XPNPEP2: variants seen among roughly 807,000 people sequenced by gnomAD.
The protein encoded by XPNPEP2 is X-prolyl aminopeptidase 2.
XPNPEP2 carries 64 observed loss-of-function variants against 59.8 expected under a neutral mutation model. That is an observed-to-expected ratio of 1.07 (90% CI 0.87 to 1.32). The LOEUF (loss-of-function observed/expected upper bound fraction) is 1.32, where lower values mean the gene tolerates loss of function less well. Ranked by LOEUF, XPNPEP2 falls within the 40% of genes most tolerant of loss-of-function variation. The probability of loss-of-function intolerance (pLI) is 0.00; values close to 1 mark genes in which losing one functional copy is unlikely to be tolerated. For missense variants in XPNPEP2, 575 were observed against 546.8 expected, an observed-to-expected ratio of 1.05 and a Z score of -0.51; for synonymous variants, 235 against 210.0, an observed-to-expected ratio of 1.12 and a Z score of -1.03.
At chrX:129,760,758 C>T (rs999314099) in intron 16 of XPNPEP2, among the ~76,000 whole-genome samples, 177 bp downstream of exon 16, 3 of 111,838 alleles carry the variant, frequency 2.7e-5, no homozygotes, top group South Asian at 7.4e-4. Flanking sequence ...AGAAGGTTAG[C>T]GGGAGATCCA....
In XPNPEP2 at chrX:129,754,219, C is replaced by G. The variant is rs758510123; in HGVS notation, c.1108-253C>G. ...ATGTTCATTACCACCACAACCACCC[C>G]CTCTGCTGCTGGATTCTTTTAAAAG... On this transcript the variant is annotated intron_variant, in intron 11 of 20. Transcript: ENST00000371106. Among the ~76,000 whole-genome samples, 3 of 112,202 alleles carry G rather than the reference C, an allele frequency of 2.7e-5. No individual in the cohort carries two copies. The Admixed American group carries it at 2.8e-4, about 11-fold the overall frequency.
intron 19 of XPNPEP2, among the ~76,000 whole-genome samples, chrX:129,766,865 C>T (rs141788006): frequency 0.026 from 2,871 of 111,218 alleles, 99 homozygotes; most frequent in African/African-American, 0.09. Context: ...GCAAGGATCT[C>T]GACATGGTGG....
At chrX:129,750,356 C>T (rs1737130) in intron 7 of XPNPEP2, 112 bp from the exon 8 acceptor site, 42,388 of 544,314 alleles carry the variant, frequency 0.078, 3,651 homozygotes, top group African/African-American at 0.43. Flanking sequence ...GAAAGGGTTT[C>T]GCTGCTTTTT....
At position 129,746,511 on chromosome X, in the gene XPNPEP2, G is replaced by A. The variant is rs759166611; in HGVS notation, c.404-84G>A. On this transcript the variant is annotated intron_variant, in intron 5 of 20. Transcript: ENST00000371106. The stretch of plus-strand genomic sequence containing the variant: ...GATCTCAAGGAAGACACACATGGTA[G>A]GACCATCAGACAGAACCCCTGGCTG... The A allele has an allele frequency of 5.0e-4, 502 of 1,005,977 alleles. 4 individuals are homozygous for A. The South Asian group carries it at 9.1e-3, about 18-fold the overall frequency. The allele number at this position is 1,005,977 out of a possible 1,213,427, so 82.9% of individuals were successfully genotyped here. A position where few individuals can be genotyped will look rare whatever the true frequency, so the allele number is the denominator to read the frequency against.
chrX:129,751,265 T>C (rs1165419588), intron 8 of XPNPEP2, among the ~76,000 whole-genome samples: 2 of 109,519 alleles, frequency 1.8e-5, no homozygotes, highest in Non-Finnish European at 3.8e-5. Flanking sequence ...CCCAGCACTT[T>C]GGGAGGCCAA....
chrX:129,757,893 G>GAAAGAA (rs1245300991), intron 14 of XPNPEP2, among the ~76,000 whole-genome samples: 55 of 51,769 alleles, frequency 1.1e-3, no homozygotes, highest in South Asian at 2.3e-3. Context: ...GAGAGAGAGA[G>GAAAGAA]AGAAAGAAAG....
At chrX:129,759,149 C>T (rs758644466) in intron 14 of XPNPEP2, 31 bp from the exon 15 acceptor site, 29 of 1,208,539 alleles carry the variant, frequency 2.4e-5, no homozygotes, top group Admixed American at 1.5e-4. Context: ...TAGCCCCAGG[C>T]ATTTGGCATG....
Position 129,747,494 on chromosome X carries a change from C to A in XPNPEP2, c.491-113C>A, listed in dbSNP as rs187018729. The A allele has an allele frequency of 7.6e-5, 82 of 1,075,283 alleles. 1 individual carries two copies. The African/African-American group carries it at 1.3e-3, about 17-fold the overall frequency. 88.6% of individuals were successfully genotyped at this position (1,075,283 alleles called of 1,213,427 possible). ...GCAGGCTGCTGGGGCAGGCTCCGGG[C>A]AGCTGGGCTGCAAAGGGAGGCAAAG... On this transcript the variant is annotated intron_variant, in intron 6 of 20. Transcript: ENST00000371106.
At chrX:129,745,611 T>C (rs998675265) in intron 4 of XPNPEP2, among the ~76,000 whole-genome samples, 2 of 111,979 alleles carry the variant, frequency 1.8e-5, no homozygotes, top group Non-Finnish European at 3.8e-5. Context: ...TCCTTTCACA[T>C]GAGGGCTCAT....
At chrX:129,749,022 C>T (rs749405489) in intron 7 of XPNPEP2, among the ~76,000 whole-genome samples, 11 of 111,991 alleles carry the variant, frequency 9.8e-5, no homozygotes, top group Non-Finnish European at 1.7e-4. Context: ...ATGAAAAGTT[C>T]GCTACTCAAA....
In XPNPEP2 at chrX:129,760,532, G is replaced by A. The variant is rs759051787; in HGVS notation, c.1449G>A (p.Leu483=). 5.0e-6 allele frequency: 6 copies of A among 1,210,776 alleles called. No individual in the cohort carries two copies. In the East Asian group the frequency reaches 1.8e-4, roughly 36 times the overall value. Reference sequence around the variant, plus strand: ...ATCAGGAGGCATACACCCGTGTGCTGATAGGAAATATTGACCTGTCCAGGC... The same window carrying A: ...ATCAGGAGGCATACACCCGTGTGCTAATAGGAAATATTGACCTGTCCAGGC... ...AFQKEAYTRV[L]IGNIDLSRLI... Residue 483 remains leucine (L), a synonymous_variant, in exon 16 of 21, where the codon CTG becomes CTA. Transcript: ENST00000371106.
intron 11 of XPNPEP2, among the ~76,000 whole-genome samples, chrX:129,753,880 A>C (rs928192439): frequency 4.5e-5 from 5 of 111,533 alleles, no homozygotes; most frequent in Non-Finnish European, 9.4e-5. Context: ...TCATAACAGT[A>C]ATCTTACAGC....
intron 6 of XPNPEP2, among the ~76,000 whole-genome samples, 153 bp from the exon 7 acceptor site, chrX:129,747,454 G>A (rs984971379): frequency 2.7e-5 from 3 of 112,052 alleles, no homozygotes; most frequent in Non-Finnish European, 3.8e-5. Flanking sequence ...CATACATGCC[G>A]GGGGTGGGGG....
chrX:129,755,185 G>A, intron 12 of XPNPEP2, 109 bp from the exon 13 acceptor site: 1 of 749,731 alleles, frequency 1.3e-6, no homozygotes, highest in Non-Finnish European at 2.0e-6. Context: ...ATGGTGTCCA[G>A]TTGAGAGGTA....
Position 129,762,066 on chromosome X carries a change from G to A in XPNPEP2, c.1663+1G>A. 1 of 1,211,259 alleles carries A rather than the reference G, an allele frequency of 8.3e-7. No individual in the cohort carries two copies. The highest frequency in any genetic ancestry group is 1.8e-5 in the South Asian group (1 of 56,974). On this transcript the variant is annotated splice_donor_variant, in intron 18 of 20. Transcript: ENST00000371106. LOFTEE classifies it high-confidence loss of function. ...GCCAAGGGCATGTTCACTTCCATTG[G>A]TATGGCCCTCAGGCCCCTCTACCTC...
chrX:129,757,017 T>G (rs1021021666), intron 14 of XPNPEP2, among the ~76,000 whole-genome samples: 8 of 89,261 alleles, frequency 9.0e-5, no homozygotes, highest in African/African-American at 1.9e-4. Context: ...TATATATATA[T>G]ATATATACAC....
At chrX:129,758,048 T>C (rs1252357082) in intron 14 of XPNPEP2, among the ~76,000 whole-genome samples, 3 of 111,338 alleles carry the variant, frequency 2.7e-5, no homozygotes, top group African/African-American at 9.8e-5. Flanking sequence ...CTGAAAGATT[T>C]TCCCTTCTCA....
intron 14 of XPNPEP2, among the ~76,000 whole-genome samples, chrX:129,757,796 GAAGAAAGAAAGAAAGA>G (rs57433903): frequency 0.015 from 490 of 33,458 alleles, 7 homozygotes; most frequent in African/African-American, 0.017. Context: ...ACTATAAAAG[GAAGAAAGAAAGAAAGA>G]AAGAAAGAAA....
chrX:129,760,642 A>G, intron 16 of XPNPEP2, 61 bp downstream of exon 16: 1 of 1,121,847 alleles, frequency 8.9e-7, no homozygotes, highest in Non-Finnish European at 1.2e-6. Flanking sequence ...GACTCAGACC[A>G]TCACCCTGGG....
Sources: allele counts gnomAD v4.1 joint callset (sites outside exome capture counted in the v4.1 genomes callset), GRCh38; gene constraint gnomAD v4.1.1; transcripts MANE v1.5; gene names NCBI Gene and HGNC (gene_info 2026-07-23, HGNC 2026-07-21).